LPAR1: variants seen among roughly 807,000 people sequenced by gnomAD.
LPAR1 encodes LPA receptor 1.
In LPAR1, 5 loss-of-function variants were observed where a neutral mutation model predicts 23.8. The ratio of observed to expected loss-of-function variants is 0.21; its 90% CI spans 0.11 to 0.44. LPAR1 has a LOEUF of 0.44. Among genes scored for constraint, LPAR1 ranks in the 20% least tolerant of loss-of-function variants. The pLI, the probability that LPAR1 is intolerant of heterozygous loss-of-function variation, is 0.99. For missense variants in LPAR1, 311 were observed against 482.8 expected (o/e 0.64, Z 3.33); for synonymous variants, 160 against 164.7 (o/e 0.97, Z 0.22).
At chr9:110,943,912 T>C (rs2095278274) in intron 4 of LPAR1, among the ~76,000 whole-genome samples, 1 of 150,900 alleles carries the variant, frequency 6.6e-6, no homozygotes, top group Non-Finnish European at 1.5e-5. Flanking sequence ...GTTTCCCCAC[T>C]GGACATGTTT....
At chr9:110,959,168 T>TAAAAAAAA (rs1227052701) in intron 4 of LPAR1, among the ~76,000 whole-genome samples, 1 of 17,872 alleles carries the variant, frequency 5.6e-5, no homozygotes, top group Non-Finnish European at 9.0e-5. Context: ...AAGATGTCTC[T>TAAAAAAAA]ACAAAAAAAA....
chr9:111,035,019 C>T (rs2097865336), intron 2 of LPAR1, among the ~76,000 whole-genome samples: 1 of 152,230 alleles, frequency 6.6e-6, no homozygotes, highest in South Asian at 2.1e-4. Context: ...TCTACAGCTA[C>T]CACCCAGTTA....
rs571894621 is a variant in LPAR1 at position 110,929,345 on chromosome 9, A to G, written c.793+12076T>C. ...AAGAAAAACAATATCAAAGGTACCAACAGAAGAAAAAAATTGTTTATATGA... is the reference window on the plus strand; with the variant it reads ...AAGAAAAACAATATCAAAGGTACCAGCAGAAGAAAAAAATTGTTTATATGA... On this transcript the variant is annotated intron_variant, in intron 5 of 5. Transcript: ENST00000683809. Among the ~76,000 whole-genome samples, 28 of 152,310 alleles carry G rather than the reference A, an allele frequency of 1.8e-4. No homozygotes were observed. The South Asian group carries it at 5.8e-3, about 32-fold the overall frequency.
intron 2 of LPAR1, among the ~76,000 whole-genome samples, chr9:111,027,741 G>A (rs756822356): frequency 1.3e-5 from 2 of 151,710 alleles, no homozygotes; most frequent in South Asian, 2.1e-4. Context: ...TGGATACCTA[G>A]GAAAGAACAT....
intron 4 of LPAR1, among the ~76,000 whole-genome samples, 165 bp downstream of exon 4, chr9:110,971,908 C>T (rs753984559): frequency 3.9e-5 from 6 of 152,120 alleles, no homozygotes; most frequent in South Asian, 2.1e-4. Flanking sequence ...GCTTCCTGAA[C>T]GAAATGGCAC....
At chr9:111,015,724 T>C (rs936782102) in intron 2 of LPAR1, among the ~76,000 whole-genome samples, 1 of 152,080 alleles carries the variant, frequency 6.6e-6, no homozygotes, top group Non-Finnish European at 1.5e-5. Context: ...CCATAAAAAA[T>C]TATATAGGTC....
rs2097928043 is a variant in LPAR1, at chr9:111,038,057, G to C, written c.-262+110C>G. 6.6e-6 allele frequency: 1 copy of C among 151,784 alleles called. No individual in the cohort carries two copies. The highest frequency in any genetic ancestry group is 1.5e-5 in the Non-Finnish European group (1 of 67,918). The allele number at this position is 151,784 out of a possible 1,614,324, so 9.4% of individuals were successfully genotyped here. ...GCCCCCAACCACAAAGCCCGTCCGC[G>C]GCGGGACAGTGTGAGCCCAGCGCGC... On this transcript the variant is annotated intron_variant, in intron 1 of 5. Coordinates refer to ENST00000683809, the MANE Select transcript of LPAR1 (RefSeq NM_001351411.2). The surrounding 1 kb of genome is among the most constrained non-coding windows in gnomAD (Gnocchi z 4.4).
chr9:110,885,945 T>C (rs533717), intron 5 of LPAR1, among the ~76,000 whole-genome samples: 142,537 of 151,162 alleles, frequency 0.94, 67,975 homozygotes, highest in Non-Finnish European at 0.97. Context: ...TGCCTGTAAT[T>C]CCAGCACTTT....
At chr9:110,883,439 A>T (rs781391683) in intron 5 of LPAR1, among the ~76,000 whole-genome samples, 3 of 152,194 alleles carry the variant, frequency 2.0e-5, no homozygotes, top group Non-Finnish European at 4.4e-5. Flanking sequence ...ACAAACAAAA[A>T]TTTTTTAAAA....
chr9:110,995,467 C>A (rs556496520), intron 2 of LPAR1, among the ~76,000 whole-genome samples: 2 of 152,262 alleles, frequency 1.3e-5, no homozygotes, highest in African/African-American at 4.8e-5. Context: ...CATTTCCTTT[C>A]CTGCTCCCAG....
At chr9:110,967,173 T>C (rs2096254214) in intron 4 of LPAR1, among the ~76,000 whole-genome samples, 1 of 152,342 alleles carries the variant, frequency 6.6e-6, no homozygotes, top group Non-Finnish European at 1.5e-5. Flanking sequence ...TTCTTGCTGC[T>C]GCTAGTCCAG....
chr9:110,954,672 A>C (rs532354080), intron 4 of LPAR1, among the ~76,000 whole-genome samples: 1 of 152,342 alleles, frequency 6.6e-6, no homozygotes, highest in South Asian at 2.1e-4. Context: ...ATGGGATGAC[A>C]CATTCATTCG....
intron 4 of LPAR1, among the ~76,000 whole-genome samples, chr9:110,965,429 A>G (rs2096180228): frequency 6.6e-6 from 1 of 152,234 alleles, no homozygotes; most frequent in East Asian, 1.9e-4. Flanking sequence ...CAAATTTAAG[A>G]GAAAAAACAA....
intron 2 of LPAR1, among the ~76,000 whole-genome samples, chr9:111,025,861 G>C (rs555757893): frequency 6.6e-6 from 1 of 152,244 alleles, no homozygotes; most frequent in South Asian, 2.1e-4. Context: ...GGTTGTATAT[G>C]TGTGGTATTA....
rs555837937 is a variant in LPAR1, at chr9:110,991,288, A to G, written c.-181-17730T>C. On this transcript the variant is annotated intron_variant, in intron 2 of 5. Transcript: ENST00000683809. Reference sequence around the variant, plus strand: ...AGCCCCTGACTCTGTGACAACGTGTAGCTCTCCAGAAACGTGCATTGAAGA... The same window carrying G: ...AGCCCCTGACTCTGTGACAACGTGTGGCTCTCCAGAAACGTGCATTGAAGA... 5.3e-5 allele frequency among the ~76,000 whole-genome samples: 8 copies of G among 152,338 alleles called. No individual in the cohort carries two copies. The South Asian group carries it at 1.2e-3, about 24-fold the overall frequency.
intron 2 of LPAR1, among the ~76,000 whole-genome samples, chr9:110,977,830 G>A (rs144919438): frequency 1.9e-3 from 187 of 97,598 alleles, no homozygotes; most frequent in African/African-American, 5.8e-3. Context: ...GCGGGAGGGA[G>A]GGAGGGAAGG....
intron 4 of LPAR1, among the ~76,000 whole-genome samples, chr9:110,951,485 T>C (rs72607185): frequency 6.6e-6 from 1 of 152,114 alleles, no homozygotes; most frequent in Non-Finnish European, 1.5e-5. Context: ...CCGATGTGGA[T>C]AGGCAATTCA....
At chr9:110,926,118 C>T (rs2094009869) in intron 5 of LPAR1, among the ~76,000 whole-genome samples, 1 of 152,150 alleles carries the variant, frequency 6.6e-6, no homozygotes. Context: ...GATGGGGTTT[C>T]ACCATGTTAG....
rs3030187 is a variant in LPAR1, at chr9:111,021,963, C to CAA, written c.-182+14157_-182+14158dup. ...TGGGTGACAGAGCGAGACTCCGTCA[C>CAA]AAAAAAAAAAAAAAAAAAAAAAAAA... On this transcript the variant is annotated intron_variant, in intron 2 of 5. Transcript: ENST00000683809. Among the ~76,000 whole-genome samples the CAA allele has an allele frequency of 4.5e-3, 316 of 69,870 alleles. 15 individuals are homozygous for CAA. Among genetic ancestry groups the CAA allele is most frequent in the African/African-American group, 0.016 (271 of 17,366 alleles). 45.8% of individuals were successfully genotyped at this position (69,870 alleles called of 152,430 possible).
Sources: allele counts gnomAD v4.1 joint callset (sites outside exome capture counted in the v4.1 genomes callset), GRCh38; gene constraint gnomAD v4.1.1; non-coding constraint Gnocchi (gnomAD v3.1); transcripts MANE v1.5; gene names NCBI Gene and HGNC (gene_info 2026-07-23, HGNC 2026-07-21).